The following NLGN1 variants were observed in gnomAD, a reference collection of about 807,000 sequenced individuals.
The protein encoded by NLGN1 is neuroligin 1.
In NLGN1, 12 loss-of-function variants were observed where a neutral mutation model predicts 65.5. The ratio of observed to expected loss-of-function variants is 0.18; its 90% CI spans 0.12 to 0.30. NLGN1 has a LOEUF of 0.30. Among genes scored for constraint, NLGN1 ranks in the 10% least tolerant of loss-of-function variants. The probability of loss-of-function intolerance (pLI) is 1.00; values close to 1 mark genes in which losing one functional copy is unlikely to be tolerated. For missense variants in NLGN1, 750 were observed against 1,007.1 expected (o/e 0.74, Z 3.46); for synonymous variants, 350 against 359.5 (o/e 0.97, Z 0.30).
At chr3:174,185,714 A>AT (rs1289052185) in intron 4 of NLGN1, among the ~76,000 whole-genome samples, 1 of 152,080 alleles carries the variant, frequency 6.6e-6, no homozygotes, top group Non-Finnish European at 1.5e-5. Context: ...TCTAAAGATA[A>AT]TTATTGAAAG....
chr3:174,061,869 CA>C (rs1162757164), intron 4 of NLGN1, among the ~76,000 whole-genome samples: 3 of 152,062 alleles, frequency 2.0e-5, no homozygotes, highest in Non-Finnish European at 4.4e-5. Flanking sequence ...AAAAGTGCAG[CA>C]GTTGATTGCA....
intron 3 of NLGN1, among the ~76,000 whole-genome samples, chr3:173,795,512 G>A (rs950730536): frequency 6.6e-6 from 1 of 152,078 alleles, no homozygotes; most frequent in South Asian, 2.1e-4. Flanking sequence ...ACTGATTTCT[G>A]TATTCTCAAA....
chr3:174,077,956 A>G (rs578115977), intron 4 of NLGN1, among the ~76,000 whole-genome samples: 1 of 152,302 alleles, frequency 6.6e-6, no homozygotes, highest in East Asian at 1.9e-4. Flanking sequence ...CTCTCTAATG[A>G]GTTAAAATAC....
At chr3:173,760,984 C>T (rs1402088162) in intron 3 of NLGN1, among the ~76,000 whole-genome samples, 1 of 152,016 alleles carries the variant, frequency 6.6e-6, no homozygotes, top group Non-Finnish European at 1.5e-5. Context: ...GCAGTTTTAA[C>T]TCTGGGCCTA....
At chr3:173,468,947 TA>T (rs1297432354) in intron 2 of NLGN1, among the ~76,000 whole-genome samples, 2 of 152,218 alleles carry the variant, frequency 1.3e-5, no homozygotes, top group African/African-American at 4.8e-5. Flanking sequence ...GTGACTAGGG[TA>T]TTGCAGGATG....
chr3:174,091,207 C>T (rs1286178148), intron 4 of NLGN1, among the ~76,000 whole-genome samples: 2 of 152,184 alleles, frequency 1.3e-5, no homozygotes, highest in Non-Finnish European at 2.9e-5. Context: ...TCAAGGGCTT[C>T]AACATTGGTC....
At chr3:174,252,042 G>A (rs1372327794) in intron 4 of NLGN1, among the ~76,000 whole-genome samples, 2 of 152,040 alleles carry the variant, frequency 1.3e-5, no homozygotes, top group African/African-American at 2.4e-5. Context: ...GCAAGAATAA[G>A]CATTTTATTG....
At chr3:173,886,450 T>A (rs771948330) in intron 4 of NLGN1, among the ~76,000 whole-genome samples, 40 of 152,180 alleles carry the variant, frequency 2.6e-4, no homozygotes, top group Non-Finnish European at 5.6e-4. Context: ...CATTTTACAT[T>A]TTTTCAGCAG....
chr3:174,089,699 G>A (rs549018509), intron 4 of NLGN1, among the ~76,000 whole-genome samples: 1 of 152,202 alleles, frequency 6.6e-6, no homozygotes, highest in Non-Finnish European at 1.5e-5. Flanking sequence ...ATTATGAAGG[G>A]TGAGACTGCC....
chr3:173,655,698 A>G (rs945030817), intron 3 of NLGN1, among the ~76,000 whole-genome samples: 4 of 152,014 alleles, frequency 2.6e-5, no homozygotes, highest in African/African-American at 9.7e-5. Flanking sequence ...CCCTACCTAC[A>G]TCTCAAATGA....
chr3:174,287,971 T>C (rs1415416183), downstream of NLGN1, among the ~76,000 whole-genome samples: 1 of 151,592 alleles, frequency 6.6e-6, no homozygotes, highest in Non-Finnish European at 1.5e-5. Flanking sequence ...AAATGTTGTC[T>C]ACTATGGGTT....
Position 174,023,832 on chromosome 3 carries a change from C to G in NLGN1, c.646+216000C>G, listed in dbSNP as rs1388089043. On this transcript the variant is annotated intron_variant, in intron 4 of 6. Transcript: ENST00000457714. Reference sequence around the variant, plus strand: ...GCAGAACTGGTAACAGTGACAGGCCCTGCAGTCAGCAGCTGTGGATTTTAT... The same window carrying G: ...GCAGAACTGGTAACAGTGACAGGCCGTGCAGTCAGCAGCTGTGGATTTTAT... 2.0e-5 allele frequency among the ~76,000 whole-genome samples: 3 copies of G among 152,142 alleles called. No homozygotes were observed. The East Asian group carries it at 5.8e-4, about 29-fold the overall frequency.
intron 4 of NLGN1, among the ~76,000 whole-genome samples, chr3:174,005,264 C>T (rs1579709240): frequency 6.6e-6 from 1 of 152,026 alleles, no homozygotes; most frequent in African/African-American, 2.4e-5. Flanking sequence ...TAATCTATGA[C>T]CTCTAATATC....
intron 4 of NLGN1, among the ~76,000 whole-genome samples, chr3:174,069,849 T>A (rs1205466674): frequency 6.6e-6 from 1 of 152,192 alleles, no homozygotes; most frequent in African/African-American, 2.4e-5. Context: ...AAGACCAGGT[T>A]TTGAGTTCTA....
intron 4 of NLGN1, among the ~76,000 whole-genome samples, chr3:173,945,510 G>C (rs1301887935): frequency 6.6e-6 from 1 of 152,058 alleles, no homozygotes; most frequent in Non-Finnish European, 1.5e-5. Context: ...GTGACAGTCT[G>C]TGTTGAGTTT....
downstream of NLGN1, among the ~76,000 whole-genome samples, chr3:174,288,719 A>G (rs747515684): frequency 7.9e-5 from 12 of 151,478 alleles, no homozygotes; most frequent in Non-Finnish European, 1.6e-4. Context: ...TGACCATAAT[A>G]AACACTTACG....
In NLGN1 at chr3:174,108,914, TTCTC is replaced by T. The variant is rs141522096; in HGVS notation, c.647-166395_647-166392del. 2.5e-3 allele frequency among the ~76,000 whole-genome samples: 379 copies of T among 152,184 alleles called. 1 individual carries two copies. Among genetic ancestry groups the T allele is most frequent in the African/African-American group, 8.5e-3 (354 of 41,550 alleles). On this transcript the variant is annotated intron_variant, in intron 4 of 6. Coordinates refer to ENST00000457714, the Ensembl canonical transcript of NLGN1. ...GTCTCCGTCTCTGTCTCTTTCTCTG[TTCTC>T]TCTCTATGTGTGTGTGTATGTGAAA...
rs563846841 is a variant in NLGN1, at chr3:173,648,777, G to A, written c.493+43686G>A. ...TTTAGTAGAGATGGGATTTCACCACGTTGGTCAGGCTGGTCTCAAATTCCT... is the reference window on the plus strand; with the variant it reads ...TTTAGTAGAGATGGGATTTCACCACATTGGTCAGGCTGGTCTCAAATTCCT... On this transcript the variant is annotated intron_variant, in intron 3 of 6. Coordinates refer to ENST00000457714, the Ensembl canonical transcript of NLGN1. Among the ~76,000 whole-genome samples, 53 of 152,008 alleles carry A rather than the reference G, an allele frequency of 3.5e-4. No homozygotes were observed. The South Asian group carries it at 0.01, about 29-fold the overall frequency.
chr3:173,753,103 G>A lies in NLGN1; in HGVS notation c.494-54577G>A, dbSNP rs553102913. ...TCTACTCAGTTGTTTTCGTCAGCAT[G>A]TGAACATGCTACAGGTCTCAATCCT... On this transcript the variant is annotated intron_variant, in intron 3 of 6. Transcript: ENST00000457714. 5.3e-5 allele frequency among the ~76,000 whole-genome samples: 8 copies of A among 152,152 alleles called. No homozygotes were observed. In the South Asian group the frequency reaches 1.7e-3, roughly 32 times the overall value.
Sources: gnomAD v4.1 joint callset for allele counts (sites outside exome capture counted in the v4.1 genomes callset) on GRCh38, gnomAD v4.1.1 for gene constraint, MANE v1.5 for transcripts, NCBI Gene and HGNC (gene_info 2026-07-23, HGNC 2026-07-21) for gene names.